CDH11: variants seen among roughly 807,000 people sequenced by gnomAD.
CDH11 encodes cadherin-11.
CDH11 carries 11 observed loss-of-function variants against 67.8 expected under a neutral mutation model. The observed-to-expected ratio is 0.16, with a 90% CI of 0.10 to 0.27. The LOEUF (loss-of-function observed/expected upper bound fraction) is 0.27, where lower values mean the gene tolerates loss of function less well. CDH11 is among the 10% of genes least tolerant of loss of function. The pLI is 1.00. For synonymous variants in CDH11, 419 were observed against 400.0 expected (o/e 1.05, Z -0.57); for missense variants, 847 against 1,031.2 (o/e 0.82, Z 2.45).
At chr16:65,073,163 A>G (rs192495034) in intron 1 of CDH11, among the ~76,000 whole-genome samples, 141 of 152,338 alleles carry the variant, frequency 9.3e-4, no homozygotes, top group African/African-American at 3.2e-3. Context: ...CTTGCTGAAA[A>G]TTCAGAATAT....
chr16:65,054,863 T>G (rs1479011082), intron 1 of CDH11, among the ~76,000 whole-genome samples: 1 of 152,200 alleles, frequency 6.6e-6, no homozygotes, highest in Non-Finnish European at 1.5e-5. Flanking sequence ...TTTCCAAATC[T>G]CTTTCCTTGT....
At chr16:64,955,047 C>A (rs1597010970) in intron 11 of CDH11, among the ~76,000 whole-genome samples, 1 of 151,380 alleles carries the variant, frequency 6.6e-6, no homozygotes, top group Non-Finnish European at 1.5e-5. Context: ...GAGATCAAGA[C>A]CATACTGGCT....
At chr16:65,038,946 G>A (rs1475184382) in intron 2 of CDH11, among the ~76,000 whole-genome samples, 1 of 152,166 alleles carries the variant, frequency 6.6e-6, no homozygotes, top group African/African-American at 2.4e-5. Context: ...TCTCTGCAGA[G>A]ACACATCACT....
At chr16:64,999,295 C>G (rs1274237751) in intron 3 of CDH11, among the ~76,000 whole-genome samples, 1 of 152,168 alleles carries the variant, frequency 6.6e-6, no homozygotes, top group Non-Finnish European at 1.5e-5. Context: ...ATCACTGTAA[C>G]CAGTTTCTTG....
rs139053832 is a variant in CDH11 at position 64,982,233 on chromosome 16, C to T, written c.1068G>A (p.Pro356=). 92 of 1,613,774 alleles carry T rather than the reference C, an allele frequency of 5.7e-5. No homozygotes were observed. In the African/African-American group the frequency reaches 1.1e-3, roughly 20 times the overall value. The change falls in exon 8 of 13, where the codon CCG becomes CCA. Residue 356 remains proline (P), a synonymous_variant. Transcript: ENST00000268603. ...TGAAAGGGCCATTGCTGATAAACTT[C>T]GGGTCGATGTGCACGTTGGCTGCCT... The part of the protein sequence containing the change: ...KVEAANVHID[P]KFISNGPFKD...
intron 11 of CDH11, among the ~76,000 whole-genome samples, chr16:64,954,436 G>A (rs1365239789): frequency 6.6e-6 from 1 of 152,174 alleles, no homozygotes; most frequent in African/African-American, 2.4e-5. Flanking sequence ...TTAGGAGACT[G>A]ATTGATAGCA....
At chr16:65,109,521 G>T (rs549489538) in intron 1 of CDH11, among the ~76,000 whole-genome samples, 2 of 152,216 alleles carry the variant, frequency 1.3e-5, no homozygotes, top group African/African-American at 2.4e-5. Flanking sequence ...AGGCTATACA[G>T]TTAAGAAGGT....
chr16:65,004,251 T>C (rs1009736387), intron 3 of CDH11, among the ~76,000 whole-genome samples: 1 of 152,062 alleles, frequency 6.6e-6, no homozygotes, highest in African/African-American at 2.4e-5. Context: ...CATGAACCTG[T>C]AGTCCCAGCT....
intron 11 of CDH11, among the ~76,000 whole-genome samples, chr16:64,969,479 T>C (rs2071940901): frequency 6.6e-6 from 1 of 152,198 alleles, no homozygotes; most frequent in South Asian, 2.1e-4. Context: ...TGGTGGCTAA[T>C]AGTCATATGA....
intron 7 of CDH11, among the ~76,000 whole-genome samples, chr16:64,984,459 G>A (rs920173911): frequency 2.0e-5 from 3 of 152,164 alleles, no homozygotes; most frequent in African/African-American, 4.8e-5. Context: ...AGTTTCCCAT[G>A]TGAACATTTA....
chr16:65,032,796 T>C (rs1351038042), intron 2 of CDH11, among the ~76,000 whole-genome samples: 1 of 152,238 alleles, frequency 6.6e-6, no homozygotes, highest in Non-Finnish European at 1.5e-5. Context: ...AGTGGCGTTA[T>C]ACTTGCATAC....
At chr16:64,963,804 A>T (rs2142403741) in intron 11 of CDH11, among the ~76,000 whole-genome samples, 1 of 152,316 alleles carries the variant, frequency 6.6e-6, no homozygotes, top group South Asian at 2.1e-4. Context: ...AAAGTGAAAT[A>T]ATTAAAGTAT....
In CDH11 at chr16:64,948,105, G is replaced by A. The variant is rs748289360; in HGVS notation, c.1895-6C>T. 1 of 1,605,324 alleles carries A rather than the reference G, an allele frequency of 6.2e-7. No individual in the cohort carries two copies. Among genetic ancestry groups the A allele is most frequent in the South Asian group, 1.1e-5 (1 of 90,566 alleles). ...CACAAACAATACTACAATGACTGGA[G>A]GGAAAGAAAAAGAAGGTAAGCATTC... is the stretch of plus-strand genomic sequence containing the variant. On this transcript the variant is annotated splice_region_variant and splice_polypyrimidine_tract_variant and intron_variant, in intron 12 of 12. Coordinates refer to ENST00000268603, the MANE Select transcript of CDH11 (RefSeq NM_001797.4).
chr16:64,947,811 G>A lies in CDH11; in HGVS notation c.2183C>T (p.Ala728Val). Residue 728 changes from alanine (A) to valine (V), a missense_variant, in exon 13 of 13, where the codon GCA becomes GTA. This residue lies in a region of CDH11 where 612 missense variants were observed against 678.7 expected (regional missense o/e 0.90). Coordinates refer to ENST00000268603, the MANE Select transcript of CDH11 (RefSeq NM_001797.4). ...AGGAGGAGCCGTGGGGTCATTGTCT[G>A]CCTCCTGTATTCTCGTGTTGATGAA... Reference protein sequence around the residue: ...DDFINTRIQEADNDPTAPPYD... With the variant: ...DDFINTRIQEVDNDPTAPPYD... 6.2e-7 allele frequency: 1 copy of A among 1,614,156 alleles called. No homozygotes were observed. The highest frequency in any genetic ancestry group is 1.7e-5 in the Admixed American group (1 of 60,018).
intron 1 of CDH11, among the ~76,000 whole-genome samples, chr16:65,061,604 G>A (rs2074236732): frequency 6.6e-6 from 1 of 152,180 alleles, no homozygotes; most frequent in South Asian, 2.1e-4. Flanking sequence ...AAATGCCTGT[G>A]TTTGTGCAAG....
intron 2 of CDH11, among the ~76,000 whole-genome samples, chr16:65,025,635 C>T (rs1227649411): frequency 6.6e-6 from 1 of 152,180 alleles, no homozygotes; most frequent in Non-Finnish European, 1.5e-5. Context: ...GCTACCACAC[C>T]TGGCTGGGTG....
intron 2 of CDH11, among the ~76,000 whole-genome samples, chr16:65,040,196 C>T (rs975033410): frequency 6.6e-6 from 1 of 152,164 alleles, no homozygotes; most frequent in African/African-American, 2.4e-5. Context: ...CCAGCCATCC[C>T]ATTACTGGGT....
chr16:65,120,434 A>G (rs1254597333), intron 1 of CDH11, among the ~76,000 whole-genome samples: 1 of 152,222 alleles, frequency 6.6e-6, no homozygotes, highest in East Asian at 1.9e-4. Context: ...GATTAAAACG[A>G]AAACTTACTG....
chr16:64,944,847 T>C lies in CDH11; in HGVS notation c.*2756A>G, dbSNP rs1356523616. 1 of 224,346 alleles carries C rather than the reference T, an allele frequency of 4.5e-6. No individual in the cohort carries two copies. Among genetic ancestry groups the C allele is most frequent in the African/African-American group, 2.2e-5 (1 of 44,844 alleles). 13.9% of individuals were successfully genotyped at this position (224,346 alleles called of 1,614,324 possible). ...TATCTTTTATGTTCTTCCTTCAATTTGGAAGGAGAGAAAATATCTTCTTGC... is the reference window on the plus strand; with the variant it reads ...TATCTTTTATGTTCTTCCTTCAATTCGGAAGGAGAGAAAATATCTTCTTGC... On this transcript the variant is annotated 3_prime_UTR_variant, in exon 13 of 13. Coordinates refer to ENST00000268603, the MANE Select transcript of CDH11 (RefSeq NM_001797.4).
Sources: gnomAD v4.1 joint callset for allele counts (sites outside exome capture counted in the v4.1 genomes callset) on GRCh38, gnomAD v4.1.1 for gene constraint, gnomAD v4.1.1 regional missense constraint, MANE v1.5 for transcripts, NCBI Gene and HGNC (gene_info 2026-07-23, HGNC 2026-07-21) for gene names.